The following STX3 variants were observed in gnomAD, a reference collection of about 807,000 sequenced individuals.
The protein encoded by STX3 is syntaxin 3.
STX3 carries 19 observed loss-of-function variants against 40.2 expected under a neutral mutation model. The observed-to-expected ratio is 0.47, with a 90% CI of 0.33 to 0.69. The LOEUF (loss-of-function observed/expected upper bound fraction) is 0.69, where lower values mean the gene tolerates loss of function less well. STX3 is among the 30% of genes least tolerant of loss of function. The pLI is 0.02. For missense variants in STX3, 364 were observed against 366.7 expected (o/e 0.99, Z 0.06); for synonymous variants, 122 against 132.2 (o/e 0.92, Z 0.53).
intron 9 of STX3, 114 bp downstream of exon 9, chr11:59,795,596 G>A (rs1347885498): frequency 1.3e-6 from 2 of 1,543,288 alleles, no homozygotes; most frequent in African/African-American, 1.4e-5. Flanking sequence ...TTGCATCTGG[G>A]GAAAGGGATC....
chr11:59,789,024 C>A, intron 4 of STX3, 77 bp downstream of exon 4: 1 of 1,307,536 alleles, frequency 7.6e-7, no homozygotes, highest in Non-Finnish European at 1.1e-6. Context: ...GCTTTCCGAA[C>A]TGAAACTCCT....
At chr11:59,790,401 C>A in intron 4 of STX3, 118 bp from the exon 5 acceptor site, 2 of 767,592 alleles carry the variant, frequency 2.6e-6, no homozygotes, top group Non-Finnish European at 4.6e-6. Flanking sequence ...TGAGGTGACA[C>A]CTACCTGTTA....
chr11:59,790,688 A>T, intron 5 of STX3, 102 bp downstream of exon 5: 2 of 861,118 alleles, frequency 2.3e-6, no homozygotes, highest in Non-Finnish European at 1.8e-6. Context: ...TTATTTTGAA[A>T]CTCAATTTGA....
intron 2 of STX3, among the ~76,000 whole-genome samples, chr11:59,779,253 C>T (rs1034134144): frequency 1.3e-5 from 2 of 152,124 alleles, no homozygotes; most frequent in African/African-American, 2.4e-5. Flanking sequence ...GCTGAAAGTC[C>T]GAGACCAGGA....
intron 1 of STX3, among the ~76,000 whole-genome samples, chr11:59,767,269 G>A (rs1863326764): frequency 6.6e-6 from 1 of 152,142 alleles, no homozygotes; most frequent in Admixed American, 6.5e-5. Flanking sequence ...CATCTCCTTG[G>A]GCGAGAGGCA....
intron 1 of STX3, among the ~76,000 whole-genome samples, chr11:59,762,713 G>C (rs1863099171): frequency 6.6e-6 from 1 of 152,176 alleles, no homozygotes; most frequent in Admixed American, 6.5e-5. Context: ...CAGGGGAAGG[G>C]AGTGGAAGAG....
At chr11:59,795,509 AAG>A (rs1865460463) in intron 9 of STX3, 27 bp downstream of exon 9, 1 of 1,595,064 alleles carries the variant, frequency 6.3e-7, no homozygotes, top group Admixed American at 1.8e-5. Context: ...GCCTTCAGAG[AAG>A]AGAGTCCATT....
At chr11:59,792,321 C>G (rs1865232593) in intron 6 of STX3, 106 bp downstream of exon 6, 1 of 906,530 alleles carries the variant, frequency 1.1e-6, no homozygotes, top group Non-Finnish European at 1.7e-6. Flanking sequence ...CATTTTGTGC[C>G]TAAGTCTAGG....
At position 59,801,816 on chromosome 11, in the gene STX3, T is replaced by C. The variant is rs1865897342; in HGVS notation, c.*992T>C. The stretch of plus-strand genomic sequence containing the variant: ...TAGGAAATAAAAATGGAAGCTATTA[T>C]GACCTCAAAAAAAAAAAGCCAACTT... On this transcript the variant is annotated 3_prime_UTR_variant, in exon 11 of 11. Transcript: ENST00000337979. The C allele has an allele frequency of 1.0e-6, 1 of 985,098 alleles. No homozygotes were observed. The highest frequency in any genetic ancestry group is 6.2e-5 in the Admixed American group (1 of 16,216). 61.0% of individuals were successfully genotyped at this position (985,098 alleles called of 1,614,324 possible).
intron 2 of STX3, among the ~76,000 whole-genome samples, chr11:59,783,771 G>C (rs746361501): frequency 7.9e-5 from 12 of 152,152 alleles, no homozygotes; most frequent in African/African-American, 1.4e-4. Flanking sequence ...CTAAGAAAAA[G>C]CAAAGCCACG....
At chr11:59,787,771 A>T (rs1442728604) in intron 3 of STX3, among the ~76,000 whole-genome samples, 1 of 152,206 alleles carries the variant, frequency 6.6e-6, no homozygotes, top group Non-Finnish European at 1.5e-5. Context: ...TTTTCCTGAT[A>T]TCTGCCACTA....
Position 59,774,209 on chromosome 11 carries a change from G to T in STX3, c.114+915G>T, listed in dbSNP as rs1449047554. On this transcript the variant is annotated intron_variant, in intron 2 of 10. Coordinates refer to ENST00000337979, the MANE Select transcript of STX3 (RefSeq NM_004177.5). ...TAGTATATCGTGGATGAAAACACTG[G>T]CTTTCGAGCTGGGTAAACTTGGGCC... Among the ~76,000 whole-genome samples the T allele has an allele frequency of 4.6e-5, 7 of 152,104 alleles. No homozygotes were observed. In the East Asian group the frequency reaches 1.4e-3, roughly 29 times the overall value.
chr11:59,755,695 C>T lies in STX3; in HGVS notation c.30+60C>T, dbSNP rs994162362. On this transcript the variant is annotated intron_variant, in intron 1 of 10. Transcript: ENST00000337979. ...GGGTGCTGCATGGGAGAGGGGCTTCCCTTTGCTCCCCAAGTCGAGGCTGGA... is the reference window on the plus strand; with the variant it reads ...GGGTGCTGCATGGGAGAGGGGCTTCTCTTTGCTCCCCAAGTCGAGGCTGGA... 25 of 1,509,176 alleles carry T rather than the reference C, an allele frequency of 1.7e-5. No homozygotes were observed. In the African/African-American group the frequency reaches 2.7e-4, roughly 16 times the overall value. The allele number at this position is 1,509,176 out of a possible 1,614,324, so 93.5% of individuals were successfully genotyped here. A position where few individuals can be genotyped will look rare whatever the true frequency, so the allele number is the denominator to read the frequency against.
At position 59,771,042 on chromosome 11, in the gene STX3, C is replaced by T. The variant is rs533228702; in HGVS notation, c.31-2169C>T. On this transcript the variant is annotated intron_variant, in intron 1 of 10. Coordinates refer to ENST00000337979, the MANE Select transcript of STX3 (RefSeq NM_004177.5). ...CAGATTCCTCAGGGAGCCTGGGTCA[C>T]GGTTGATCGACTCCCCCAAATCATG... 2.2e-4 allele frequency among the ~76,000 whole-genome samples: 34 copies of T among 152,236 alleles called. 1 individual carries two copies. The South Asian group carries it at 6.8e-3, about 31-fold the overall frequency.
At chr11:59,799,554 T>A (rs951436643) in intron 10 of STX3, 2 of 650,252 alleles carry the variant, frequency 3.1e-6, no homozygotes, top group Admixed American at 6.3e-5. Flanking sequence ...TTAAATTTTC[T>A]CTTTATTACC....
At chr11:59,765,558 C>T (rs571591182) in intron 1 of STX3, among the ~76,000 whole-genome samples, 264 of 152,242 alleles carry the variant, frequency 1.7e-3, no homozygotes, top group African/African-American at 6.0e-3. Flanking sequence ...AATCCCAGCA[C>T]TTTGGGAGAC....
chr11:59,797,672 C>G (rs1405876623), intron 10 of STX3, among the ~76,000 whole-genome samples: 1 of 152,222 alleles, frequency 6.6e-6, no homozygotes, highest in African/African-American at 2.4e-5. Flanking sequence ...TACCTGAGCA[C>G]CCCAGGTGAC....
chr11:59,761,808 T>C (rs1020797931), intron 1 of STX3, among the ~76,000 whole-genome samples: 9 of 152,018 alleles, frequency 5.9e-5, no homozygotes, highest in African/African-American at 1.9e-4. Flanking sequence ...CAGCTCAGTA[T>C]GGCATCAGGG....
rs528413902 is a variant in STX3 at position 59,801,567 on chromosome 11, T to G, written c.*743T>G. On this transcript the variant is annotated 3_prime_UTR_variant, in exon 11 of 11. Transcript: ENST00000337979. ...ACGGTATGGAATATGTTTCCATGTCTGAGTCTTAGAAACTGGCTGCTCATT... is the reference window on the plus strand; with the variant it reads ...ACGGTATGGAATATGTTTCCATGTCGGAGTCTTAGAAACTGGCTGCTCATT... 1.0e-6 allele frequency: 1 copy of G among 985,480 alleles called. No individual in the cohort carries two copies. Among genetic ancestry groups the G allele is most frequent in the East Asian group, 1.1e-4 (1 of 8,824 alleles). The allele number at this position is 985,480 out of a possible 1,614,324, so 61.0% of individuals were successfully genotyped here. A position where few individuals can be genotyped will look rare whatever the true frequency, so the allele number is the denominator to read the frequency against.
Sources: allele counts gnomAD v4.1 joint callset (sites outside exome capture counted in the v4.1 genomes callset), GRCh38; gene constraint gnomAD v4.1.1; transcripts MANE v1.5; gene names NCBI Gene and HGNC (gene_info 2026-07-23, HGNC 2026-07-21).